KCNK12: variants seen among roughly 807,000 people sequenced by gnomAD.
KCNK12 encodes the protein potassium two pore domain channel subfamily K member 12, also known as potassium channel subfamily K member 12.
A neutral mutation model predicts 25.3 loss-of-function variants in KCNK12; 6 were observed. The ratio of observed to expected loss-of-function variants is 0.24; its 90% CI spans 0.13 to 0.47. KCNK12 has a LOEUF of 0.47. Among genes scored for constraint, KCNK12 ranks in the 20% least tolerant of loss-of-function variants. The pLI is 0.99. For missense variants in KCNK12, 444 were observed against 661.7 expected, an observed-to-expected ratio of 0.67 and a Z score of 3.61; for synonymous variants, 331 against 311.1, an observed-to-expected ratio of 1.06 and a Z score of -0.67.
chr2:47,512,585 A>G lies in KCNK12; in HGVS notation c.*8322T>C. 1.1e-6 allele frequency: 1 copy of G among 877,386 alleles called. No individual in the cohort carries two copies. The highest frequency in any genetic ancestry group is 1.7e-6 in the Non-Finnish European group (1 of 590,228). 54.4% of individuals were successfully genotyped at this position (877,386 alleles called of 1,614,324 possible). On this transcript the variant is annotated 3_prime_UTR_variant, in exon 2 of 2. Coordinates refer to ENST00000327876, the MANE Select transcript of KCNK12 (RefSeq NM_022055.2). ...TAACTTTCTCTGCCCAGATTCCAGG[A>G]CTTACAGTGAGAAAGCGCCTTCTGG...
At position 47,509,676 on chromosome 2, in the gene KCNK12, T is replaced by C. The variant is rs562722171; in HGVS notation, c.*11231A>G. 1.3e-4 allele frequency among the ~76,000 whole-genome samples: 20 copies of C among 152,360 alleles called. No homozygotes were observed. In the South Asian group the frequency reaches 4.1e-3, roughly 32 times the overall value. On this transcript the variant is annotated 3_prime_UTR_variant, in exon 2 of 2. Transcript: ENST00000327876. ...GCTAGGTGGCCAGGTTGGAGTTGAT[T>C]GCCAATGATAGGTCTTTTTCTGCTT...
At chr2:47,552,714 G>T (rs1200013378) in intron 1 of KCNK12, among the ~76,000 whole-genome samples, 1 of 152,100 alleles carries the variant, frequency 6.6e-6, no homozygotes, top group Non-Finnish European at 1.5e-5. Context: ...GTTGCAGTGA[G>T]CAGGGATCGC....
In KCNK12 at chr2:47,569,879, G is replaced by C. The variant is rs1399922922; in HGVS notation, c.391+62C>G. ...GGGACGCGGACCGAGCGGCCGAGCA[G>C]TGGAAAGGGCGGCAGGTGAAAGGCA... On this transcript the variant is annotated intron_variant, in intron 1 of 1. Transcript: ENST00000327876. The surrounding 1 kb of genome is among the most constrained non-coding windows in gnomAD (Gnocchi z 4.1). The C allele has an allele frequency of 2.1e-5, 26 of 1,260,810 alleles. No individual in the cohort carries two copies. Among genetic ancestry groups the C allele is most frequent in the Non-Finnish European group, 2.6e-5 (26 of 986,014 alleles). 78.1% of individuals were successfully genotyped at this position (1,260,810 alleles called of 1,614,324 possible).
intron 1 of KCNK12, among the ~76,000 whole-genome samples, chr2:47,550,346 A>G (rs1021187170): frequency 3.3e-5 from 5 of 150,508 alleles, no homozygotes; most frequent in Admixed American, 1.3e-4. Flanking sequence ...AGGAGGCACA[A>G]TTACTTACAG....
rs554808385 is a variant in KCNK12, at chr2:47,556,233, A to C, written c.391+13708T>G. On this transcript the variant is annotated intron_variant, in intron 1 of 1. Coordinates refer to ENST00000327876, the MANE Select transcript of KCNK12 (RefSeq NM_022055.2). The surrounding 1 kb of genome is among the most constrained non-coding windows in gnomAD (Gnocchi z 4.8). ...TGCATGGGGAGTGGGTAATGACAGGAACTAAGCCCTGGAGGAAGTTAGAGG... is the reference window on the plus strand; with the variant it reads ...TGCATGGGGAGTGGGTAATGACAGGCACTAAGCCCTGGAGGAAGTTAGAGG... Among the ~76,000 whole-genome samples, 223 of 152,336 alleles carry C rather than the reference A, an allele frequency of 1.5e-3. 1 individual carries two copies. Among genetic ancestry groups the C allele is most frequent in the African/African-American group, 5.2e-3 (215 of 41,574 alleles).
chr2:47,531,817 T>C lies in KCNK12; in HGVS notation c.392-10009A>G, dbSNP rs368508204. On this transcript the variant is annotated intron_variant, in intron 1 of 1. Transcript: ENST00000327876. ...CCTCACTCCTGTGATAAGACAGAAG[T>C]TTCCACTTCAGCCTCTGATTGATTG... Among the ~76,000 whole-genome samples the C allele has an allele frequency of 7.9e-5, 12 of 152,264 alleles. No homozygotes were observed. In the East Asian group the frequency reaches 2.3e-3, roughly 29 times the overall value.
chr2:47,536,332 C>A (rs1190742566), intron 1 of KCNK12, among the ~76,000 whole-genome samples: 1 of 152,200 alleles, frequency 6.6e-6, no homozygotes, highest in Non-Finnish European at 1.5e-5. Flanking sequence ...AGATTTAACC[C>A]TTTGTGTTTT....
intron 1 of KCNK12, among the ~76,000 whole-genome samples, chr2:47,530,625 G>A (rs1317960024): frequency 6.6e-6 from 1 of 152,128 alleles, no homozygotes; most frequent in East Asian, 1.9e-4. Context: ...ACTGCATGAG[G>A]CTCCATGTTT....
chr2:47,549,808 C>A (rs1669387854), intron 1 of KCNK12, among the ~76,000 whole-genome samples: 1 of 152,008 alleles, frequency 6.6e-6, no homozygotes. Context: ...GTGGCGGGCG[C>A]CTGTAATTCT....
Position 47,569,932 on chromosome 2 carries a change from G to A in KCNK12, c.391+9C>T. ...GAGAGGAAAGATGCGCGGGGGACGC[G>A]CCGCTCACCTATGGTTGACACCACG... On this transcript the variant is annotated intron_variant, in intron 1 of 1. Coordinates refer to ENST00000327876, the MANE Select transcript of KCNK12 (RefSeq NM_022055.2). The surrounding 1 kb of genome is among the most constrained non-coding windows in gnomAD (Gnocchi z 4.1). 2 of 1,373,828 alleles carry A rather than the reference G, an allele frequency of 1.5e-6. No individual in the cohort carries two copies. Among genetic ancestry groups the A allele is most frequent in the South Asian group, 1.7e-5 (1 of 59,866 alleles). 85.1% of individuals were successfully genotyped at this position (1,373,828 alleles called of 1,614,324 possible). A position where few individuals can be genotyped will look rare whatever the true frequency, so the allele number is the denominator to read the frequency against.
chr2:47,531,836 T>C (rs1558551577), intron 1 of KCNK12, among the ~76,000 whole-genome samples: 1 of 152,172 alleles, frequency 6.6e-6, no homozygotes, highest in Non-Finnish European at 1.5e-5. Flanking sequence ...CAGCCTCTGA[T>C]TGATTGTGGG....
chr2:47,516,838 G>A lies in KCNK12; in HGVS notation c.*4069C>T, dbSNP rs1668536843. The A allele has an allele frequency of 6.6e-6, 1 of 152,230 alleles. No individual in the cohort carries two copies. The highest frequency in any genetic ancestry group is 1.5e-5 in the Non-Finnish European group (1 of 68,064). The allele number at this position is 152,230 out of a possible 1,614,324, so 9.4% of individuals were successfully genotyped here. On this transcript the variant is annotated 3_prime_UTR_variant, in exon 2 of 2. Coordinates refer to ENST00000327876, the MANE Select transcript of KCNK12 (RefSeq NM_022055.2). ...ATCCTCAATGCATGAGACTAGCGTGGAAGGTGTAGCAATTGTGCTCTGGGG... is the reference window on the plus strand; with the variant it reads ...ATCCTCAATGCATGAGACTAGCGTGAAAGGTGTAGCAATTGTGCTCTGGGG...
intron 1 of KCNK12, among the ~76,000 whole-genome samples, chr2:47,534,648 G>A (rs1487188746): frequency 6.6e-6 from 1 of 151,634 alleles, no homozygotes; most frequent in African/African-American, 2.4e-5. Context: ...CCGGAGTGAG[G>A]AGCAATGAGA....
intron 1 of KCNK12, among the ~76,000 whole-genome samples, chr2:47,568,412 A>G (rs2104906836): frequency 6.6e-6 from 1 of 152,106 alleles, no homozygotes; most frequent in East Asian, 1.9e-4. Flanking sequence ...ACAACATGAT[A>G]TAGCTTTTTA....
chr2:47,532,995 CAA>C (rs1668968978), intron 1 of KCNK12, among the ~76,000 whole-genome samples: 2 of 152,048 alleles, frequency 1.3e-5, no homozygotes, highest in African/African-American at 4.8e-5. Context: ...AAAAATGGCC[CAA>C]TGCCCTACTT....
At chr2:47,536,607 A>G (rs1378582129) in intron 1 of KCNK12, among the ~76,000 whole-genome samples, 1 of 152,224 alleles carries the variant, frequency 6.6e-6, no homozygotes, top group Non-Finnish European at 1.5e-5. Flanking sequence ...ACCTCCAGGA[A>G]CACACCTGTA....
At chr2:47,542,711 C>T (rs745367378) in intron 1 of KCNK12, among the ~76,000 whole-genome samples, 4 of 152,272 alleles carry the variant, frequency 2.6e-5, no homozygotes, top group East Asian at 1.9e-4. Flanking sequence ...AGGGATGGCG[C>T]GAGGTGAGAG....
chr2:47,560,106 G>A lies in KCNK12; in HGVS notation c.391+9835C>T, dbSNP rs1288963535. Among the ~76,000 whole-genome samples the A allele has an allele frequency of 6.6e-6, 1 of 152,176 alleles. No individual in the cohort carries two copies. ...GAGTTCTGAGCTGGCTATGTCCCCA[G>A]GCTTTCCTTGCTGGTGTGCTTAAGG... On this transcript the variant is annotated intron_variant, in intron 1 of 1. Transcript: ENST00000327876. This position sits in a 1 kb window ranked among gnomAD's most constrained non-coding sequence, Gnocchi z 4.7.
In KCNK12 at chr2:47,562,987, A is replaced by G. The variant is rs76388813; in HGVS notation, c.391+6954T>C. 7.2e-3 allele frequency: 1,677 copies of G among 233,476 alleles called. 17 individuals carry two copies. The highest frequency in any genetic ancestry group is 0.032 in the East Asian group (539 of 16,592). 14.5% of individuals were successfully genotyped at this position (233,476 alleles called of 1,614,324 possible). ...GGACGGAAAAAATGGAAGGGCCAGA[A>G]AACTTGGGGAGGACTCCAGAGCTGG... On this transcript the variant is annotated intron_variant, in intron 1 of 1. Coordinates refer to ENST00000327876, the MANE Select transcript of KCNK12 (RefSeq NM_022055.2). The surrounding 1 kb of genome is among the most constrained non-coding windows in gnomAD (Gnocchi z 4.8).
Sources: gnomAD v4.1 joint callset for allele counts (sites outside exome capture counted in the v4.1 genomes callset) on GRCh38, gnomAD v4.1.1 for gene constraint, Gnocchi (gnomAD v3.1) non-coding constraint, MANE v1.5 for transcripts, NCBI Gene and HGNC (gene_info 2026-07-23, HGNC 2026-07-21) for gene names.